Variants in MAF observed in about 807,000 individuals in gnomAD.
MAF encodes transcription factor Maf.
A neutral mutation model predicts 22.0 loss-of-function variants in MAF; 10 were observed. That is an observed-to-expected ratio of 0.45 (90% CI 0.28 to 0.77). MAF has a LOEUF of 0.77. Among genes scored for constraint, MAF ranks in the 30% least tolerant of loss-of-function variants. The pLI is 0.12. For synonymous variants in MAF, 337 were observed against 255.8 expected, an observed-to-expected ratio of 1.32 and a Z score of -3.03; for missense variants, 544 against 548.4, an observed-to-expected ratio of 0.99 and a Z score of 0.08.
At chr16:79,276,051 G>A in the MAF span, among the ~76,000 whole-genome samples, 2 of 152,184 alleles carry the variant, frequency 1.3e-5, no homozygotes, top group Admixed American at 1.3e-4. Flanking sequence ...TGAGGTAGGA[G>A]AATCTCTTGA....
At chr16:79,528,986 C>T in the MAF span, among the ~76,000 whole-genome samples, 59 of 152,300 alleles carry the variant, frequency 3.9e-4, no homozygotes, top group African/African-American at 1.3e-3. Flanking sequence ...TTTGTAAGAA[C>T]AGAGCTTGGT....
At chr16:79,596,975 T>G (rs1334290441) in intron 1 of MAF, 2 of 1,051,530 alleles carry the variant, frequency 1.9e-6, no homozygotes, top group Non-Finnish European at 2.3e-6. Context: ...AAAACATACA[T>G]TTTTGAATGT....
the MAF span, among the ~76,000 whole-genome samples, chr16:79,537,086 G>T: frequency 6.6e-6 from 1 of 152,182 alleles, no homozygotes; most frequent in Non-Finnish European, 1.5e-5. Flanking sequence ...CACAATGTCT[G>T]CACGTCTGTG....
the MAF span, among the ~76,000 whole-genome samples, chr16:79,499,447 G>C: frequency 6.6e-6 from 1 of 152,188 alleles, no homozygotes; most frequent in African/African-American, 2.4e-5. Flanking sequence ...AGGCGGAACG[G>C]TGGCTTCCTG....
the MAF span, among the ~76,000 whole-genome samples, chr16:79,564,964 G>A: frequency 9.2e-5 from 14 of 152,258 alleles, no homozygotes; most frequent in African/African-American, 2.6e-4. Flanking sequence ...GTGGTACCTC[G>A]AACCTTACAC....
the MAF span, among the ~76,000 whole-genome samples, chr16:79,342,910 G>C: frequency 6.6e-6 from 1 of 152,130 alleles, no homozygotes; most frequent in African/African-American, 2.4e-5. Context: ...CGTTCTTACA[G>C]TTAAATTGCT....
chr16:79,209,885 G>T, the MAF span, among the ~76,000 whole-genome samples: 1 of 152,226 alleles, frequency 6.6e-6, no homozygotes, highest in African/African-American at 2.4e-5. Flanking sequence ...AAGGAAATTT[G>T]GATGACATGA....
At chr16:79,427,076 G>A in the MAF span, among the ~76,000 whole-genome samples, 18 of 152,298 alleles carry the variant, frequency 1.2e-4, no homozygotes, top group African/African-American at 3.9e-4. Flanking sequence ...CCAGAGTGAC[G>A]CTCCCACTCC....
the MAF span, among the ~76,000 whole-genome samples, chr16:79,325,357 G>A: frequency 5.5e-4 from 84 of 152,240 alleles, no homozygotes; most frequent in African/African-American, 1.9e-3. Context: ...TGCTAAAAAC[G>A]TTGCCTTCAG....
chr16:79,432,655 G>C, the MAF span, among the ~76,000 whole-genome samples: 1 of 152,188 alleles, frequency 6.6e-6, no homozygotes, highest in Non-Finnish European at 1.5e-5. Flanking sequence ...AGGATCACTT[G>C]TGGAAGTAGT....
the MAF span, among the ~76,000 whole-genome samples, chr16:79,404,400 G>C: frequency 6.6e-6 from 1 of 152,108 alleles, no homozygotes; most frequent in Non-Finnish European, 1.5e-5. Flanking sequence ...TTGACCTCGT[G>C]ATCTGCCCGC....
the MAF span, among the ~76,000 whole-genome samples, chr16:79,579,826 G>T: frequency 6.6e-5 from 10 of 152,086 alleles, no homozygotes; most frequent in African/African-American, 2.4e-4. Context: ...TTATTAGTGT[G>T]GAAGGAAATG....
At chr16:79,233,744 A>G in the MAF span, among the ~76,000 whole-genome samples, 3 of 152,074 alleles carry the variant, frequency 2.0e-5, no homozygotes, top group Admixed American at 2.0e-4. Context: ...CTGTAATCCC[A>G]GTATTTTGGG....
chr16:79,529,910 G>C, the MAF span, among the ~76,000 whole-genome samples: 10 of 135,666 alleles, frequency 7.4e-5, no homozygotes, highest in African/African-American at 2.8e-4. Flanking sequence ...GCAGTGATCC[G>C]AGACTACACT....
chr16:79,425,315 T>C, the MAF span, among the ~76,000 whole-genome samples: 1 of 152,150 alleles, frequency 6.6e-6, no homozygotes, highest in Admixed American at 6.6e-5. Flanking sequence ...ATTTTTAAAA[T>C]GAAATTCCCT....
At chr16:79,354,075 A>G in the MAF span, among the ~76,000 whole-genome samples, 1 of 152,060 alleles carries the variant, frequency 6.6e-6, no homozygotes, top group Non-Finnish European at 1.5e-5. Flanking sequence ...GGCTCACTGC[A>G]GCCTCAACTT....
the MAF span, among the ~76,000 whole-genome samples, chr16:79,254,546 A>T: frequency 6.6e-6 from 1 of 152,206 alleles, no homozygotes; most frequent in Non-Finnish European, 1.5e-5. Context: ...CTACAGGTGG[A>T]ATGACTTGAG....
chr16:79,258,693 G>A, the MAF span, among the ~76,000 whole-genome samples: 1 of 152,174 alleles, frequency 6.6e-6, no homozygotes, highest in Non-Finnish European at 1.5e-5. Context: ...CAGCAGAGCT[G>A]TGGTAGTCAG....
At chr16:79,503,810 T>A in the MAF span, among the ~76,000 whole-genome samples, 2 of 152,246 alleles carry the variant, frequency 1.3e-5, no homozygotes, top group Non-Finnish European at 2.9e-5. Flanking sequence ...TACTCCGTAG[T>A]CTTGACCTTC....
Sources: allele counts gnomAD v4.1 joint callset (sites outside exome capture counted in the v4.1 genomes callset), GRCh38; gene constraint gnomAD v4.1.1; transcripts MANE v1.5; gene names NCBI Gene and HGNC (gene_info 2026-07-23, HGNC 2026-07-21).